ITFG1: variants seen among roughly 807,000 people sequenced by gnomAD.
ITFG1 encodes the protein T-cell immunomodulatory protein.
A neutral mutation model predicts 81.8 loss-of-function variants in ITFG1; 34 were observed. That is an observed-to-expected ratio of 0.42 (90% CI 0.32 to 0.55). The LOEUF (loss-of-function observed/expected upper bound fraction) is 0.55. Ranked by LOEUF, ITFG1 falls within the 20% of genes least tolerant of loss-of-function variation. ITFG1 has a pLI of 0.17. For synonymous variants in ITFG1, 285 were observed against 270.6 expected, an observed-to-expected ratio of 1.05 and a Z score of -0.52; for missense variants, 672 against 755.4, an observed-to-expected ratio of 0.89 and a Z score of 1.29.
chr16:47,185,401 T>C (rs1451471934), intron 14 of ITFG1, among the ~76,000 whole-genome samples: 1 of 152,208 alleles, frequency 6.6e-6, no homozygotes, highest in Non-Finnish European at 1.5e-5. Context: ...ACAGAAATTA[T>C]AACAAACTGT....
chr16:47,459,061 T>C, intron 2 of ITFG1, 42 bp downstream of exon 2: 2 of 1,203,090 alleles, frequency 1.7e-6, no homozygotes, highest in Non-Finnish European at 2.5e-6. Flanking sequence ...ATTATTATAT[T>C]AATGACTAAA....
rs115099129 is a variant in ITFG1 at position 47,174,189 on chromosome 16, C to T, written c.1454-11525G>A. Among the ~76,000 whole-genome samples the T allele has an allele frequency of 1.5e-3, 229 of 152,206 alleles. 2 individuals carry two copies. The highest frequency in any genetic ancestry group is 5.3e-3 in the African/African-American group (220 of 41,532). Reference sequence around the variant, plus strand: ...TAATTTAGGATCCTGAATTAATTAACAATGCAGTATAGGAGATATATTACA... The same window carrying T: ...TAATTTAGGATCCTGAATTAATTAATAATGCAGTATAGGAGATATATTACA... On this transcript the variant is annotated intron_variant, in intron 14 of 17. Coordinates refer to ENST00000320640, the MANE Select transcript of ITFG1 (RefSeq NM_030790.5).
Position 47,230,200 on chromosome 16 carries a change from A to G in ITFG1, c.1374+7765T>C, listed in dbSNP as rs116785151. On this transcript the variant is annotated intron_variant, in intron 13 of 17. Transcript: ENST00000320640. ...AGGATGGAACCTGAAAATCACCAAC[A>G]TTTGAAAGATAGGCAGAAGAGAAGT... 1.5e-3 allele frequency among the ~76,000 whole-genome samples: 227 copies of G among 152,316 alleles called. 2 individuals are homozygous for G. The highest frequency in any genetic ancestry group is 5.2e-3 in the African/African-American group (218 of 41,570).
intron 11 of ITFG1, among the ~76,000 whole-genome samples, chr16:47,259,328 A>C (rs1966177789): frequency 6.6e-6 from 1 of 152,198 alleles, no homozygotes; most frequent in Non-Finnish European, 1.5e-5. Flanking sequence ...TATGAATATT[A>C]ACTATTTGAC....
At chr16:47,229,423 G>T in intron 13 of ITFG1, among the ~76,000 whole-genome samples, 1 of 152,088 alleles carries the variant, frequency 6.6e-6, no homozygotes, top group Non-Finnish European at 1.5e-5. Flanking sequence ...TAGAGTTGTG[G>T]GAGGGCCTGA....
At chr16:47,371,810 A>T (rs1387221900) in intron 7 of ITFG1, among the ~76,000 whole-genome samples, 2 of 152,106 alleles carry the variant, frequency 1.3e-5, no homozygotes. Flanking sequence ...AATGAACAAG[A>T]CAGTTCTTCA....
At chr16:47,234,425 A>G (rs1303535539) in intron 13 of ITFG1, among the ~76,000 whole-genome samples, 2 of 152,218 alleles carry the variant, frequency 1.3e-5, no homozygotes, top group Admixed American at 6.5e-5. Flanking sequence ...AAGATGCCAA[A>G]GGTGTAAATA....
rs544175519 is a variant in ITFG1 at position 47,411,335 on chromosome 16, A to G, written c.655+17469T>C. On this transcript the variant is annotated intron_variant, in intron 6 of 17. Coordinates refer to ENST00000320640, the MANE Select transcript of ITFG1 (RefSeq NM_030790.5). ...AGTCCTACAACCACAACACAACCCCAGTGATTTGGGGGCAGGAGGCTTGGA... is the reference window on the plus strand; with the variant it reads ...AGTCCTACAACCACAACACAACCCCGGTGATTTGGGGGCAGGAGGCTTGGA... Among the ~76,000 whole-genome samples the G allele has an allele frequency of 8.7e-4, 132 of 152,184 alleles. 1 individual carries two copies. Among genetic ancestry groups the G allele is most frequent in the African/African-American group, 3.0e-3 (126 of 41,538 alleles).
At chr16:47,359,598 C>T (rs1416585524) in intron 8 of ITFG1, among the ~76,000 whole-genome samples, 1 of 152,176 alleles carries the variant, frequency 6.6e-6, no homozygotes, top group Non-Finnish European at 1.5e-5. Context: ...TTGAAGTTTC[C>T]AGTTACATTT....
At chr16:47,453,177 G>T (rs1315496731) in intron 3 of ITFG1, among the ~76,000 whole-genome samples, 1 of 152,154 alleles carries the variant, frequency 6.6e-6, no homozygotes, top group African/African-American at 2.4e-5. Context: ...TACAAGCTTT[G>T]TGCATGGTAC....
chr16:47,354,982 G>A (rs1298585978), intron 8 of ITFG1, among the ~76,000 whole-genome samples: 1 of 152,096 alleles, frequency 6.6e-6, no homozygotes, highest in African/African-American at 2.4e-5. Context: ...ACAGTATGGA[G>A]TTTCCTAAAA....
At chr16:47,329,125 A>C (rs1045840752) in intron 8 of ITFG1, among the ~76,000 whole-genome samples, 1 of 152,176 alleles carries the variant, frequency 6.6e-6, no homozygotes, top group African/African-American at 2.4e-5. Context: ...ATCATTGTAA[A>C]ATGAAATCTT....
chr16:47,235,243 G>C (rs572444465), intron 13 of ITFG1, among the ~76,000 whole-genome samples: 1 of 151,832 alleles, frequency 6.6e-6, no homozygotes, highest in Non-Finnish European at 1.5e-5. Flanking sequence ...ACACTGGAAA[G>C]TCAGTGCTTT....
At position 47,365,889 on chromosome 16, in the gene ITFG1, T is replaced by C. The variant is rs1968171470; in HGVS notation, c.721-20A>G. On this transcript the variant is annotated intron_variant, in intron 7 of 17. Transcript: ENST00000320640. ...TCCATCCTGTTAAATGAAGAAAACT[T>C]TGAATTAGACCATCTTAATCCACTC... 1 of 1,287,730 alleles carries C rather than the reference T, an allele frequency of 7.8e-7. No individual in the cohort carries two copies. Among genetic ancestry groups the C allele is most frequent in the South Asian group, 1.2e-5 (1 of 82,648 alleles). 79.8% of individuals were successfully genotyped at this position (1,287,730 alleles called of 1,614,324 possible).
intron 10 of ITFG1, among the ~76,000 whole-genome samples, chr16:47,286,683 T>C (rs1025088033): frequency 6.6e-6 from 1 of 151,780 alleles, no homozygotes; most frequent in African/African-American, 2.4e-5. Context: ...TAATAGCAAA[T>C]GGCTGTCAGA....
At chr16:47,289,450 A>G (rs1413401989) in intron 10 of ITFG1, among the ~76,000 whole-genome samples, 2 of 152,230 alleles carry the variant, frequency 1.3e-5, no homozygotes, top group East Asian at 3.8e-4. Flanking sequence ...AATGTTTTAT[A>G]GAATTCAGTA....
intron 10 of ITFG1, among the ~76,000 whole-genome samples, chr16:47,269,221 C>G (rs1271855408): frequency 2.0e-5 from 3 of 152,084 alleles, no homozygotes; most frequent in Admixed American, 6.5e-5. Flanking sequence ...GTAAAACTGT[C>G]TTTATTTGCA....
Position 47,195,547 on chromosome 16 carries a change from C to T in ITFG1, c.1453+23321G>A, listed in dbSNP as rs77833562. ...AAAAATAAAAGACCTTATTTTACATCCAGGTATTCCTTCTCTAATGTTCTT... is the reference window on the plus strand; with the variant it reads ...AAAAATAAAAGACCTTATTTTACATTCAGGTATTCCTTCTCTAATGTTCTT... On this transcript the variant is annotated intron_variant, in intron 14 of 17. Coordinates refer to ENST00000320640, the MANE Select transcript of ITFG1 (RefSeq NM_030790.5). 5.9e-5 allele frequency among the ~76,000 whole-genome samples: 9 copies of T among 152,212 alleles called. No homozygotes were observed. In the East Asian group the frequency reaches 1.7e-3, roughly 29 times the overall value.
intron 6 of ITFG1, among the ~76,000 whole-genome samples, chr16:47,411,030 T>TC (rs1968804250): frequency 1.3e-5 from 2 of 152,074 alleles, no homozygotes; most frequent in Admixed American, 1.3e-4. Flanking sequence ...GCTGAGCAGT[T>TC]CAAGTGCTTT....
Sources: allele counts gnomAD v4.1 joint callset (sites outside exome capture counted in the v4.1 genomes callset), GRCh38; gene constraint gnomAD v4.1.1; transcripts MANE v1.5; gene names NCBI Gene and HGNC (gene_info 2026-07-23, HGNC 2026-07-21).